PSD3: variants seen among roughly 807,000 people sequenced by gnomAD.
The protein encoded by PSD3 is PH and SEC7 domain-containing protein 3.
A neutral mutation model predicts 105.5 loss-of-function variants in PSD3; 49 were observed. The observed-to-expected ratio is 0.46, with a 90% CI of 0.37 to 0.59. The LOEUF is 0.59. Among genes scored for constraint, PSD3 ranks in the 20% least tolerant of loss-of-function variants. PSD3 has a pLI of 0.00. For synonymous variants in PSD3, 557 were observed against 457.8 expected (o/e 1.22, Z -2.77); for missense variants, 1,561 against 1,263.8 (o/e 1.24, Z -3.57).
chr8:19,036,025 G>T (rs1329258543), intron 1 of PSD3, among the ~76,000 whole-genome samples: 3 of 151,980 alleles, frequency 2.0e-5, no homozygotes. Context: ...AAAGTGCTGG[G>T]ATTACAAGCA....
intron 14 of PSD3, among the ~76,000 whole-genome samples, chr8:18,563,847 AG>A (rs1305081648): frequency 6.6e-6 from 1 of 152,206 alleles, no homozygotes; most frequent in Non-Finnish European, 1.5e-5. Context: ...AGAACTGTAA[AG>A]GGTGGATCAG....
intron 2 of PSD3, among the ~76,000 whole-genome samples, chr8:18,917,735 G>A (rs538507415): frequency 5.9e-5 from 9 of 152,000 alleles, no homozygotes; most frequent in South Asian, 2.1e-4. Flanking sequence ...TCTCAGGAAC[G>A]TGGAGCTCAA....
chr8:18,557,445 G>A (rs760272261), intron 14 of PSD3: 18 of 153,860 alleles, frequency 1.2e-4, no homozygotes, highest in Admixed American at 5.9e-4. Context: ...CAGAAATTAT[G>A]AGCGTCACAT....
rs200038973 is a variant in PSD3 at position 18,872,611 on chromosome 8, G to A, written c.253C>T (p.Pro85Ser). ...ASLEFDGEAL[P>S]CHPQEQQGVQ... The stretch of plus-strand genomic sequence containing the variant: ...CCCTGCTGCTCTTGTGGGTGGCATG[G>A]CAGAGCCTCACCATCAAATTCCAGA... Residue 85 changes from proline to serine, a missense_variant, in exon 3 of 16, where the codon CCA becomes TCA. By Grantham distance (74) the Pro-to-Ser change is moderately conservative (BLOSUM62 -1). Transcript: ENST00000327040. 1.1e-4 allele frequency: 180 copies of A among 1,614,054 alleles called. 2 individuals are homozygous for A. In the South Asian group the frequency reaches 1.8e-3, roughly 16 times the overall value.
At chr8:18,669,992 G>A (rs77514114) in intron 9 of PSD3, among the ~76,000 whole-genome samples, 7 of 152,182 alleles carry the variant, frequency 4.6e-5, no homozygotes, top group Non-Finnish European at 8.8e-5. Context: ...ACTTAGATTT[G>A]AGTGGGGTGG....
chr8:19,064,355 A>C (rs534477172), intron 1 of PSD3, among the ~76,000 whole-genome samples: 1 of 152,268 alleles, frequency 6.6e-6, no homozygotes, highest in African/African-American at 2.4e-5. Context: ...AAATATTTTT[A>C]ATTATTAACT....
intron 11 of PSD3, among the ~76,000 whole-genome samples, chr8:18,606,612 T>C (rs986763733): frequency 1.7e-4 from 26 of 152,290 alleles, no homozygotes; most frequent in African/African-American, 6.0e-4. Context: ...CTTTGTTATC[T>C]AGGAAGAATT....
rs369449315 is a variant in PSD3, at chr8:18,769,114, A to G, written c.2083-3576T>C. 6.0e-4 allele frequency among the ~76,000 whole-genome samples: 91 copies of G among 152,324 alleles called. 1 individual carries two copies. The highest frequency in any genetic ancestry group is 9.4e-4 in the Non-Finnish European group (64 of 68,030). Reference sequence around the variant, plus strand: ...GTCTCAAGGTAAAAAAATAACACATACAATGAACAGTCATTATGATATACC... The same window carrying G: ...GTCTCAAGGTAAAAAAATAACACATGCAATGAACAGTCATTATGATATACC... On this transcript the variant is annotated intron_variant, in intron 8 of 15. Coordinates refer to ENST00000327040, the MANE Select transcript of PSD3 (RefSeq NM_015310.4).
intron 9 of PSD3, among the ~76,000 whole-genome samples, chr8:18,729,377 A>T (rs760838386): frequency 6.6e-6 from 1 of 152,218 alleles, no homozygotes; most frequent in South Asian, 2.1e-4. Flanking sequence ...AGTGTCTAAC[A>T]TTAGTCCATA....
intron 8 of PSD3, among the ~76,000 whole-genome samples, chr8:18,794,951 A>C (rs1162268975): frequency 1.3e-5 from 2 of 152,220 alleles, no homozygotes; most frequent in African/African-American, 2.4e-5. Flanking sequence ...TTTTTATAAT[A>C]GTCATTTTCC....
chr8:18,767,793 A>G (rs1028349223), intron 8 of PSD3, among the ~76,000 whole-genome samples: 7 of 152,012 alleles, frequency 4.6e-5, no homozygotes, highest in African/African-American at 1.4e-4. Flanking sequence ...CCAACCAAAT[A>G]AATAAATATA....
At position 18,765,501 on chromosome 8, in the gene PSD3, G is replaced by T; in HGVS notation, c.2120C>A (p.Ala707Glu). The change falls in exon 9 of 16, where the codon GCA becomes GAA. Residue 707 changes from alanine to glutamate, a missense_variant. Transcript: ENST00000327040. ...GKKMTCQEFI[A>E]NLQGVNEGVD... Reference sequence around the variant, plus strand: ...ACCCTCATTTACCCCTTGCAGATTTGCAATGAACTCCTGACAGGTCATCTT... The same window carrying T: ...ACCCTCATTTACCCCTTGCAGATTTTCAATGAACTCCTGACAGGTCATCTT... 5.0e-6 allele frequency: 8 copies of T among 1,612,894 alleles called. No individual in the cohort carries two copies. The highest frequency in any genetic ancestry group is 6.8e-6 in the Non-Finnish European group (8 of 1,178,900).
chr8:18,631,832 A>T (rs1235931507), intron 11 of PSD3, among the ~76,000 whole-genome samples: 1 of 152,000 alleles, frequency 6.6e-6, no homozygotes, highest in African/African-American at 2.4e-5. Flanking sequence ...CATTAAGAAA[A>T]AGGATCCAGC....
At chr8:18,842,731 TA>T (rs144604228) in intron 4 of PSD3, among the ~76,000 whole-genome samples, 6,061 of 147,504 alleles carry the variant, frequency 0.041, 128 homozygotes, top group Admixed American at 0.072. Context: ...AGACTCCGTC[TA>T]AAAAAAAAAA....
At chr8:18,861,728 A>T (rs1816468737) in intron 4 of PSD3, among the ~76,000 whole-genome samples, 1 of 151,862 alleles carries the variant, frequency 6.6e-6, no homozygotes, top group African/African-American at 2.4e-5. Flanking sequence ...TATTCCTTAG[A>T]CTCTTAGACT....
intron 9 of PSD3, among the ~76,000 whole-genome samples, chr8:18,739,975 TATA>T (rs775984714): frequency 1.3e-5 from 2 of 152,192 alleles, no homozygotes; most frequent in African/African-American, 2.4e-5. Flanking sequence ...TCACAAATAA[TATA>T]ATATCAAATC....
intron 2 of PSD3, among the ~76,000 whole-genome samples, chr8:18,917,901 C>T (rs78617633): frequency 2.0e-5 from 3 of 151,996 alleles, no homozygotes; most frequent in Non-Finnish European, 4.4e-5. Context: ...TCTAAGCCAC[C>T]GGTGTGTGGG....
At chr8:18,928,671 T>C (rs559530475) in intron 2 of PSD3, among the ~76,000 whole-genome samples, 18 of 152,234 alleles carry the variant, frequency 1.2e-4, no homozygotes, top group Non-Finnish European at 2.4e-4. Flanking sequence ...TCTCTCTCTT[T>C]CTTCCTTCCT....
At chr8:18,824,280 A>G (rs954519188) in intron 4 of PSD3, among the ~76,000 whole-genome samples, 3 of 152,234 alleles carry the variant, frequency 2.0e-5, no homozygotes, top group African/African-American at 7.2e-5. Flanking sequence ...ATCTGTCTTC[A>G]GTCCTAGAGT....
Sources: gnomAD v4.1 joint callset for allele counts (sites outside exome capture counted in the v4.1 genomes callset) on GRCh38, gnomAD v4.1.1 for gene constraint, MANE v1.5 for transcripts, NCBI Gene and HGNC (gene_info 2026-07-23, HGNC 2026-07-21) for gene names.